The following TCP11L2 variants were observed in gnomAD, a reference collection of about 807,000 sequenced individuals.
TCP11L2 encodes the protein t-complex 11 like 2.
Under a neutral mutation model 50.7 loss-of-function variants are expected in TCP11L2, and 39 were observed. The ratio of observed to expected loss-of-function variants is 0.77; its 90% CI spans 0.60 to 1.01. TCP11L2 has a LOEUF of 1.01. Among genes scored for constraint, TCP11L2 ranks in the 50% least tolerant of loss-of-function variants. The probability of loss-of-function intolerance (pLI) is 0.00; values close to 1 mark genes in which losing one functional copy is unlikely to be tolerated. For missense variants in TCP11L2, 612 were observed against 614.7 expected, an observed-to-expected ratio of 1.00 and a Z score of 0.05; for synonymous variants, 192 against 219.3, an observed-to-expected ratio of 0.88 and a Z score of 1.10.
chr12:106,318,973 G>C (rs1186585936), intron 4 of TCP11L2, among the ~76,000 whole-genome samples: 1 of 151,138 alleles, frequency 6.6e-6, no homozygotes, highest in Non-Finnish European at 1.5e-5. Context: ...CTGCAGTGGC[G>C]CAATCTCGGC....
At chr12:106,298,531 A>AT (rs965482554), upstream of TCP11L2, among the ~76,000 whole-genome samples, 4 of 151,874 alleles carry the variant, frequency 2.6e-5, no homozygotes, top group Admixed American at 1.3e-4. Context: ...TTAGTTTAAA[A>AT]TTTTTTTTGA....
At chr12:106,312,522 T>A in intron 2 of TCP11L2, 1 of 707,688 alleles carries the variant, frequency 1.4e-6, no homozygotes, top group Non-Finnish European at 1.8e-6. Flanking sequence ...AGAAGGGTTT[T>A]ACCAATTCTG....
At chr12:106,324,056 G>T (rs565889540) in intron 6 of TCP11L2, 1 of 152,308 alleles carries the variant, frequency 6.6e-6, no homozygotes, top group Admixed American at 6.5e-5. Flanking sequence ...ATGGAATACA[G>T]TTGCCGTCCC....
At chr12:106,335,165 C>T (rs1161133094) in intron 6 of TCP11L2, among the ~76,000 whole-genome samples, 1 of 152,130 alleles carries the variant, frequency 6.6e-6, no homozygotes, top group Admixed American at 6.5e-5. Context: ...ATTTTCTCTT[C>T]AGATTGTATA....
Position 106,346,478 on chromosome 12 carries a change from T to C in TCP11L2, c.1508T>C (p.Leu503Pro), listed in dbSNP as rs775115108. 1 of 1,614,154 alleles carries C rather than the reference T, an allele frequency of 6.2e-7. No homozygotes were observed. The highest frequency in any genetic ancestry group is 8.5e-7 in the Non-Finnish European group (1 of 1,180,022). The change falls in exon 10 of 10, where the codon CTC becomes CCC. Residue 503 changes from leucine (L) to proline (P), a missense_variant. Leu to Pro is a moderately conservative substitution (Grantham distance 98, BLOSUM62 -3). Coordinates refer to ENST00000299045, the MANE Select transcript of TCP11L2 (RefSeq NM_152772.3). ...TATGCAAATATACTTCGAAAGCTGC[T>C]CTTCAATGAGGAAGCCATGGGGAAG... Reference protein sequence around the residue: ...PFYANILRKLLFNEEAMGKVD... With the variant: ...PFYANILRKLPFNEEAMGKVD...
At chr12:106,331,571 C>T (rs926502729) in intron 6 of TCP11L2, among the ~76,000 whole-genome samples, 17 of 152,146 alleles carry the variant, frequency 1.1e-4, no homozygotes, top group Non-Finnish European at 2.1e-4. Context: ...TTCCTTTGTG[C>T]CAGAAACGGT....
chr12:106,330,926 T>A (rs1411325834), intron 6 of TCP11L2, among the ~76,000 whole-genome samples: 1 of 152,218 alleles, frequency 6.6e-6, no homozygotes, highest in Non-Finnish European at 1.5e-5. Context: ...GTAGTAATAT[T>A]TAAGTGCCAT....
intron 7 of TCP11L2, 63 bp downstream of exon 7, chr12:106,335,889 A>G (rs2035901191): frequency 7.0e-6 from 11 of 1,574,936 alleles, no homozygotes; most frequent in Non-Finnish European, 7.8e-6. Context: ...CTAACTTTGA[A>G]TCATCTGGTC....
intron 8 of TCP11L2, among the ~76,000 whole-genome samples, chr12:106,340,607 A>C (rs1255921902): frequency 2.0e-5 from 3 of 152,198 alleles, no homozygotes; most frequent in African/African-American, 4.8e-5. Context: ...CTATTTAAAC[A>C]CTGCTACACA....
intron 3 of TCP11L2, among the ~76,000 whole-genome samples, chr12:106,317,936 G>A (rs187380055): frequency 6.6e-6 from 1 of 152,320 alleles, no homozygotes; most frequent in African/African-American, 2.4e-5. Context: ...TGTGCCCTTG[G>A]GGCCAATCTG....
At chr12:106,338,145 G>A (rs1487323571) in intron 8 of TCP11L2, among the ~76,000 whole-genome samples, 1 of 152,148 alleles carries the variant, frequency 6.6e-6, no homozygotes, top group East Asian at 1.9e-4. Flanking sequence ...AGGATTTATT[G>A]ATTAATTGAT....
At position 106,346,643 on chromosome 12, in the gene TCP11L2, G is replaced by T; in HGVS notation, c.*113G>T. On this transcript the variant is annotated 3_prime_UTR_variant, in exon 10 of 10. Coordinates refer to ENST00000299045, the MANE Select transcript of TCP11L2 (RefSeq NM_152772.3). ...TTCTCAGTACTGTGGTGCAGTATTA[G>T]CCCAAATCTGTGTAATGGGTAATAT... The T allele has an allele frequency of 3.0e-6, 4 of 1,342,266 alleles. No individual in the cohort carries two copies. The highest frequency in any genetic ancestry group is 4.0e-6 in the Non-Finnish European group (4 of 999,954). The allele number at this position is 1,342,266 out of a possible 1,614,324, so 83.1% of individuals were successfully genotyped here. A position where few individuals can be genotyped will look rare whatever the true frequency, so the allele number is the denominator to read the frequency against.
chr12:106,318,886 A>G (rs2035209044), intron 4 of TCP11L2, among the ~76,000 whole-genome samples: 2 of 91,324 alleles, frequency 2.2e-5, no homozygotes, highest in Admixed American at 1.2e-4. Context: ...AATTTTTTGT[A>G]TTTTATTTTA....
chr12:106,307,354 G>A (rs967269995), intron 1 of TCP11L2: 5 of 152,150 alleles, frequency 3.3e-5, no homozygotes, highest in Admixed American at 1.3e-4. Context: ...CCTTTGACCA[G>A]TGATTAAATC....
chr12:106,306,913 C>T (rs1038288232), intron 1 of TCP11L2, among the ~76,000 whole-genome samples: 2 of 152,190 alleles, frequency 1.3e-5, no homozygotes, highest in African/African-American at 4.8e-5. Context: ...CATGTATTAT[C>T]ATCAGTGTAT....
intron 6 of TCP11L2, among the ~76,000 whole-genome samples, chr12:106,328,964 C>G (rs955847261): frequency 6.6e-6 from 1 of 151,892 alleles, no homozygotes; most frequent in East Asian, 1.9e-4. Flanking sequence ...AGCCCCTGGT[C>G]GGGAAGATGG....
rs565308334 is a variant in TCP11L2 at position 106,330,177 on chromosome 12, C to G, written c.773-5462C>G. 1.1e-4 allele frequency: 110 copies of G among 985,378 alleles called. No homozygotes were observed. In the South Asian group the frequency reaches 1.3e-3, roughly 11 times the overall value. 61.0% of individuals were successfully genotyped at this position (985,378 alleles called of 1,614,324 possible). ...GAATTTTGTCCTAAGGCAGACAGCC[C>G]CAGTAGAGAATTACTGCCTCCAAAC... On this transcript the variant is annotated intron_variant, in intron 6 of 9. Coordinates refer to ENST00000299045, the MANE Select transcript of TCP11L2 (RefSeq NM_152772.3).
At chr12:106,322,917 C>G (rs561929668) in intron 5 of TCP11L2, among the ~76,000 whole-genome samples, 2 of 152,314 alleles carry the variant, frequency 1.3e-5, no homozygotes, top group Admixed American at 6.5e-5. Flanking sequence ...TCATCATGGT[C>G]ATTTGTTGAG....
chr12:106,305,006 A>T (rs1291245428), intron 1 of TCP11L2, among the ~76,000 whole-genome samples: 1 of 152,152 alleles, frequency 6.6e-6, no homozygotes, highest in Non-Finnish European at 1.5e-5. Flanking sequence ...CCACAGGGTG[A>T]TGGGTAGATG....
Sources: allele counts gnomAD v4.1 joint callset (sites outside exome capture counted in the v4.1 genomes callset), GRCh38; gene constraint gnomAD v4.1.1; transcripts MANE v1.5; gene names NCBI Gene and HGNC (gene_info 2026-07-23, HGNC 2026-07-21).